The following POU6F2 variants were observed in gnomAD, a reference collection of about 807,000 sequenced individuals.
The protein encoded by POU6F2 is POU class 6 homeobox 2, also known as POU domain, class 6, transcription factor 2.
Under a neutral mutation model 71.3 loss-of-function variants are expected in POU6F2, and 31 were observed. The ratio of observed to expected loss-of-function variants is 0.43; its 90% CI spans 0.33 to 0.59. The LOEUF is 0.59. Among genes scored for constraint, POU6F2 ranks in the 20% least tolerant of loss-of-function variants. The pLI, the probability that POU6F2 is intolerant of heterozygous loss-of-function variation, is 0.04. For missense variants in POU6F2, 783 were observed against 856.8 expected, an observed-to-expected ratio of 0.91 and a Z score of 1.07; for synonymous variants, 347 against 355.7, an observed-to-expected ratio of 0.98 and a Z score of 0.27.
Position 39,161,627 on chromosome 7 carries a change from A to G in POU6F2, c.278-42608A>G, listed in dbSNP as rs372932679. Among the ~76,000 whole-genome samples the G allele has an allele frequency of 5.6e-4, 86 of 152,286 alleles. 2 individuals are homozygous for G. In the South Asian group the frequency reaches 0.017, roughly 31 times the overall value. On this transcript the variant is annotated intron_variant, in intron 2 of 9. Transcript: ENST00000518318. ...ATGTAAACTGATAAGGCATCTTTCA[A>G]ATCCTCAGACCAAAGCCATATGAGT...
intron 1 of POU6F2, among the ~76,000 whole-genome samples, chr7:39,066,907 T>G: frequency 6.8e-6 from 1 of 147,950 alleles, no homozygotes; most frequent in East Asian, 1.9e-4. Context: ...TAATATATAA[T>G]ATCATATTAT....
chr7:39,307,752 C>T (rs1002001810), intron 4 of POU6F2, among the ~76,000 whole-genome samples: 3 of 152,024 alleles, frequency 2.0e-5, no homozygotes, highest in Non-Finnish European at 2.9e-5. Context: ...CCAAGGTAGG[C>T]GGGTCAGTAG....
At chr7:39,060,321 G>A (rs1332941013) in intron 1 of POU6F2, among the ~76,000 whole-genome samples, 1 of 152,146 alleles carries the variant, frequency 6.6e-6, no homozygotes, top group Non-Finnish European at 1.5e-5. Context: ...GTTTCTTAGG[G>A]CTGGGGTATG....
At chr7:39,394,942 C>A (rs1787143430) in intron 5 of POU6F2, among the ~76,000 whole-genome samples, 2 of 152,316 alleles carry the variant, frequency 1.3e-5, no homozygotes, top group South Asian at 4.1e-4. Flanking sequence ...ACCTGACACA[C>A]AGTCGATGCT....
At chr7:39,330,109 A>AC (rs1204987957) in intron 4 of POU6F2, among the ~76,000 whole-genome samples, 1 of 152,040 alleles carries the variant, frequency 6.6e-6, no homozygotes, top group African/African-American at 2.4e-5. Context: ...ATCACATTTA[A>AC]CCGTTTCTGG....
intron 2 of POU6F2, among the ~76,000 whole-genome samples, chr7:39,119,260 G>A (rs925734695): frequency 5.9e-5 from 9 of 152,196 alleles, no homozygotes; most frequent in African/African-American, 2.2e-4. Context: ...GTTCAACAAC[G>A]TTGAGGGCAA....
At chr7:39,236,278 G>A (rs1324296321) in intron 4 of POU6F2, among the ~76,000 whole-genome samples, 1 of 152,148 alleles carries the variant, frequency 6.6e-6, no homozygotes, top group East Asian at 1.9e-4. Flanking sequence ...ACACAGTGAT[G>A]AGTACTCTGA....
At chr7:39,164,328 A>G (rs1018270724) in intron 2 of POU6F2, among the ~76,000 whole-genome samples, 3 of 148,556 alleles carry the variant, frequency 2.0e-5, no homozygotes, top group African/African-American at 7.4e-5. Flanking sequence ...AATCATTTCT[A>G]TAAAGTAGAT....
At chr7:39,296,403 A>G (rs1784844788) in intron 4 of POU6F2, among the ~76,000 whole-genome samples, 3 of 152,230 alleles carry the variant, frequency 2.0e-5, no homozygotes, top group Admixed American at 2.0e-4. Context: ...TTTACCATGT[A>G]TAGCATTTCA....
chr7:39,300,720 C>T (rs371865449), intron 4 of POU6F2, among the ~76,000 whole-genome samples: 1 of 152,246 alleles, frequency 6.6e-6, no homozygotes, highest in African/African-American at 2.4e-5. Context: ...CCTCTGTCCA[C>T]GTCCATGTCT....
At chr7:39,206,526 CTT>C (rs1562746445) in intron 3 of POU6F2, among the ~76,000 whole-genome samples, 1 of 152,170 alleles carries the variant, frequency 6.6e-6, no homozygotes, top group Non-Finnish European at 1.5e-5. Flanking sequence ...TGTTTTAGAT[CTT>C]GTCATTGTAC....
At chr7:39,219,798 C>T (rs1300980389) in intron 4 of POU6F2, among the ~76,000 whole-genome samples, 1 of 152,156 alleles carries the variant, frequency 6.6e-6, no homozygotes, top group Non-Finnish European at 1.5e-5. Flanking sequence ...TCCATTAACA[C>T]ATTTTTATGC....
chr7:39,070,616 A>G (rs1237159434), intron 1 of POU6F2, among the ~76,000 whole-genome samples: 1 of 150,776 alleles, frequency 6.6e-6, no homozygotes, highest in Non-Finnish European at 1.5e-5. Context: ...TCCTCTCCCC[A>G]AGAGGGCACT....
intron 6 of POU6F2, among the ~76,000 whole-genome samples, chr7:39,408,377 G>A (rs1787484363): frequency 6.6e-6 from 1 of 152,198 alleles, no homozygotes. Flanking sequence ...GGAATTATTA[G>A]GAGTTTATTC....
intron 4 of POU6F2, among the ~76,000 whole-genome samples, chr7:39,237,226 GTCT>G (rs769453519): frequency 6.6e-6 from 1 of 152,186 alleles, no homozygotes; most frequent in Non-Finnish European, 1.5e-5. Context: ...TGCTTGGAAA[GTCT>G]TCTTTTTAAA....
At chr7:39,086,463 T>C (rs921552064) in intron 2 of POU6F2, among the ~76,000 whole-genome samples, 1 of 152,144 alleles carries the variant, frequency 6.6e-6, no homozygotes, top group African/African-American at 2.4e-5. Context: ...AGAGGAGAAC[T>C]GAAAAATATC....
chr7:39,457,496 G>A (rs572473498), intron 8 of POU6F2, among the ~76,000 whole-genome samples: 2 of 152,162 alleles, frequency 1.3e-5, no homozygotes, highest in African/African-American at 2.4e-5. Flanking sequence ...TGTCTGGCCC[G>A]TCAGTCCTAT....
chr7:39,312,755 A>C (rs1008151111), intron 4 of POU6F2, among the ~76,000 whole-genome samples: 2 of 152,250 alleles, frequency 1.3e-5, no homozygotes, highest in Non-Finnish European at 2.9e-5. Context: ...GCGATACTGC[A>C]ACAGTCAGTC....
At chr7:39,321,465 A>G (rs988015141) in intron 4 of POU6F2, among the ~76,000 whole-genome samples, 1 of 152,218 alleles carries the variant, frequency 6.6e-6, no homozygotes, top group Non-Finnish European at 1.5e-5. Context: ...GGTTACACCC[A>G]GAAGAATATT....
Sources: allele counts gnomAD v4.1 joint callset (sites outside exome capture counted in the v4.1 genomes callset), GRCh38; gene constraint gnomAD v4.1.1; transcripts MANE v1.5; gene names NCBI Gene and HGNC (gene_info 2026-07-23, HGNC 2026-07-21).